SERTM1: variants seen among roughly 807,000 people sequenced by gnomAD.
The protein encoded by SERTM1 is serine-rich and transmembrane domain-containing protein 1.
In SERTM1, 1 loss-of-function variant was observed where a neutral mutation model predicts 5.5. The ratio of observed to expected loss-of-function variants is 0.18; its 90% CI spans 0.06 to 0.86. The LOEUF (loss-of-function observed/expected upper bound fraction) is 0.86, where lower values mean the gene tolerates loss of function less well. SERTM1 is among the 40% of genes least tolerant of loss of function. The probability of loss-of-function intolerance (pLI) is 0.69; values close to 1 mark genes in which losing one functional copy is unlikely to be tolerated. For missense variants in SERTM1, 91 were observed against 122.4 expected (o/e 0.74, Z 1.21); for synonymous variants, 52 against 55.1 (o/e 0.94, Z 0.25).
At chr13:36,686,150 T>C (rs768228519) in intron 1 of SERTM1, among the ~76,000 whole-genome samples, 21 of 152,170 alleles carry the variant, frequency 1.4e-4, no homozygotes, top group Non-Finnish European at 7.4e-5. Flanking sequence ...CCATTCTTGG[T>C]CTTCAGGCAG....
At chr13:36,675,040 A>G (rs551080021) in intron 1 of SERTM1, among the ~76,000 whole-genome samples, 1 of 152,286 alleles carries the variant, frequency 6.6e-6, no homozygotes, top group South Asian at 2.1e-4. Flanking sequence ...ATTCACAGAA[A>G]TATCTTGTTG....
chr13:36,681,777 T>C (rs1163594361), intron 1 of SERTM1, among the ~76,000 whole-genome samples: 1 of 152,352 alleles, frequency 6.6e-6, no homozygotes, highest in Admixed American at 6.5e-5. Context: ...AGTCTCACTA[T>C]GGTAAACTCT....
chr13:36,696,175 C>G lies in SERTM1; in HGVS notation c.*773C>G, dbSNP rs1253421823. ...CTGTTACTAGTACTAAGAGAAGCAC[C>G]AGAAGAGATGCCAAGAAGTTTTTAT... On this transcript the variant is annotated 3_prime_UTR_variant, in exon 2 of 2. Transcript: ENST00000315190. 1 of 166,804 alleles carries G rather than the reference C, an allele frequency of 6.0e-6. No individual in the cohort carries two copies. Among genetic ancestry groups the G allele is most frequent in the Non-Finnish European group, 1.5e-5 (1 of 68,096 alleles). The allele number at this position is 166,804 out of a possible 1,614,324, so 10.3% of individuals were successfully genotyped here. A position where few individuals can be genotyped will look rare whatever the true frequency, so the allele number is the denominator to read the frequency against.
At position 36,695,958 on chromosome 13, in the gene SERTM1, G is replaced by GT. The variant is rs1338528071; in HGVS notation, c.*557dup. ...ATTTTCTTTAACTTCACTTTAACAA[G>GT]TAAAAATCACACTTATTGATGAATG... On this transcript the variant is annotated 3_prime_UTR_variant, in exon 2 of 2. Transcript: ENST00000315190. 6.0e-6 allele frequency: 1 copy of GT among 167,120 alleles called. No homozygotes were observed. Among genetic ancestry groups the GT allele is most frequent in the Non-Finnish European group, 1.5e-5 (1 of 68,226 alleles). The allele number at this position is 167,120 out of a possible 1,614,324, so 10.4% of individuals were successfully genotyped here. A position where few individuals can be genotyped will look rare whatever the true frequency, so the allele number is the denominator to read the frequency against.
At chr13:36,691,270 C>T (rs890306839) in intron 1 of SERTM1, among the ~76,000 whole-genome samples, 1 of 152,232 alleles carries the variant, frequency 6.6e-6, no homozygotes. Context: ...TCTTCCCAAA[C>T]ATTATAGTCC....
At chr13:36,680,398 G>A (rs1326108655) in intron 1 of SERTM1, among the ~76,000 whole-genome samples, 1 of 152,056 alleles carries the variant, frequency 6.6e-6, no homozygotes, top group East Asian at 1.9e-4. Context: ...TTCATATGAT[G>A]AAAAGCCTCT....
At chr13:36,680,748 T>TTTTG (rs548383850) in intron 1 of SERTM1, among the ~76,000 whole-genome samples, 1 of 152,140 alleles carries the variant, frequency 6.6e-6, no homozygotes, top group African/African-American at 2.4e-5. Flanking sequence ...GTTGTTGTCG[T>TTTTG]TTTGTTTGTT....
At chr13:36,679,195 C>G (rs543328234) in intron 1 of SERTM1, among the ~76,000 whole-genome samples, 14 of 152,174 alleles carry the variant, frequency 9.2e-5, no homozygotes, top group Admixed American at 1.3e-4. Context: ...TCCAAAAATC[C>G]AAAGTCTGAA....
At chr13:36,675,154 T>C (rs962366709) in intron 1 of SERTM1, among the ~76,000 whole-genome samples, 2 of 152,196 alleles carry the variant, frequency 1.3e-5, no homozygotes, top group African/African-American at 4.8e-5. Context: ...GTCTGTTTGT[T>C]AGTGTCCTTC....
In SERTM1 at chr13:36,682,899, CTTTA is replaced by C. The variant is rs200901655; in HGVS notation, c.-174+8723_-174+8726del. ...TAGTTTTTCTTTTTCTTCTTTCTTT[CTTTA>C]TTTATTTGTTGAGATGGAGTCTCAC... On this transcript the variant is annotated intron_variant, in intron 1 of 1. Coordinates refer to ENST00000315190, the MANE Select transcript of SERTM1 (RefSeq NM_203451.3). 7.4e-3 allele frequency among the ~76,000 whole-genome samples: 1,123 copies of C among 152,052 alleles called. 8 individuals carry two copies. Among genetic ancestry groups the C allele is most frequent in the Middle Eastern group, 0.027 (8 of 294 alleles).
At chr13:36,688,113 A>G (rs1263713658) in intron 1 of SERTM1, among the ~76,000 whole-genome samples, 1 of 152,218 alleles carries the variant, frequency 6.6e-6, no homozygotes, top group Non-Finnish European at 1.5e-5. Context: ...TTGGATACAA[A>G]TTATTTTACT....
At chr13:36,686,473 T>A (rs1242841419) in intron 1 of SERTM1, among the ~76,000 whole-genome samples, 1 of 152,242 alleles carries the variant, frequency 6.6e-6, no homozygotes, top group Non-Finnish European at 1.5e-5. Context: ...GCAAGAATAA[T>A]AACAATAAAT....
Position 36,695,276 on chromosome 13 carries a change from C to G in SERTM1, c.198C>G (p.Leu66=). Residue 66 remains leucine (L), a synonymous_variant, in exon 2 of 2, where the codon CTC becomes CTG. Coordinates refer to ENST00000315190, the MANE Select transcript of SERTM1 (RefSeq NM_203451.3). ...LLLLIIALQR[L]KNIISSSSSY... ...TTTTAATCATTGCCCTCCAGAGGCTCAAAAATATCATCTCCTCCAGTTCCT... is the reference window on the plus strand; with the variant it reads ...TTTTAATCATTGCCCTCCAGAGGCTGAAAAATATCATCTCCTCCAGTTCCT... The G allele has an allele frequency of 6.2e-7, 1 of 1,614,082 alleles. No individual in the cohort carries two copies. Among genetic ancestry groups the G allele is most frequent in the Non-Finnish European group, 8.5e-7 (1 of 1,179,960 alleles).
At chr13:36,677,638 A>T (rs2056678537) in intron 1 of SERTM1, among the ~76,000 whole-genome samples, 3 of 152,232 alleles carry the variant, frequency 2.0e-5, no homozygotes, top group African/African-American at 7.2e-5. Flanking sequence ...AAGATGACTG[A>T]AACCACAGTT....
chr13:36,691,192 G>C (rs78609548), intron 1 of SERTM1, among the ~76,000 whole-genome samples: 1 of 152,326 alleles, frequency 6.6e-6, no homozygotes, highest in East Asian at 1.9e-4. Context: ...AGCACTCAGA[G>C]ATGAGAGCTG....
intron 1 of SERTM1, among the ~76,000 whole-genome samples, chr13:36,687,387 G>T (rs1274361167): frequency 6.6e-6 from 1 of 152,084 alleles, no homozygotes; most frequent in East Asian, 1.9e-4. Context: ...TATAAATAGT[G>T]ACCTGTGTAA....
At chr13:36,686,474 A>G (rs1309540792) in intron 1 of SERTM1, among the ~76,000 whole-genome samples, 2 of 152,260 alleles carry the variant, frequency 1.3e-5, no homozygotes, top group Non-Finnish European at 2.9e-5. Context: ...CAAGAATAAT[A>G]ACAATAAATA....
intron 1 of SERTM1, among the ~76,000 whole-genome samples, chr13:36,682,263 C>T (rs1430360293): frequency 6.6e-6 from 1 of 152,144 alleles, no homozygotes; most frequent in Non-Finnish European, 1.5e-5. Flanking sequence ...GATTGATCAT[C>T]CTTATGCCAC....
chr13:36,693,297 A>G (rs2056791157), intron 1 of SERTM1, among the ~76,000 whole-genome samples: 1 of 152,250 alleles, frequency 6.6e-6, no homozygotes, highest in Admixed American at 6.5e-5. Flanking sequence ...TATTCCCCAA[A>G]GATGAACGGC....
Sources: allele counts gnomAD v4.1 joint callset (sites outside exome capture counted in the v4.1 genomes callset), GRCh38; gene constraint gnomAD v4.1.1; transcripts MANE v1.5; gene names NCBI Gene and HGNC (gene_info 2026-07-23, HGNC 2026-07-21).